Variants in TYR observed in about 807,000 individuals in gnomAD.
The protein encoded by TYR is tyrosinase.
In TYR, 58 loss-of-function variants were observed where a neutral mutation model predicts 51.5. The ratio of observed to expected loss-of-function variants is 1.13; its 90% confidence interval spans 0.91 to 1.40. The LOEUF (loss-of-function observed/expected upper bound fraction) is 1.40. Among genes scored for constraint, TYR ranks in the 40% most tolerant of loss-of-function variants. The probability of loss-of-function intolerance (pLI) is 0.00; values close to 1 mark genes in which losing one functional copy is unlikely to be tolerated. For synonymous variants in TYR, 263 were observed against 235.2 expected, an observed-to-expected ratio of 1.12 and a Z score of -1.08; for missense variants, 732 against 647.4, an observed-to-expected ratio of 1.13 and a Z score of -1.42.
intron 3 of TYR, among the ~76,000 whole-genome samples, chr11:89,280,640 G>C (rs1214216351): frequency 4.0e-5 from 6 of 151,180 alleles, no homozygotes; most frequent in African/African-American, 1.5e-4. Flanking sequence ...ATGTCTCATA[G>C]TTCCAAAATT....
At chr11:89,181,381 T>C (rs546501126) in intron 1 of TYR, among the ~76,000 whole-genome samples, 10 of 152,200 alleles carry the variant, frequency 6.6e-5, no homozygotes, top group Non-Finnish European at 1.0e-4. Context: ...CTGAGAATCA[T>C]TGAGTTAATG....
chr11:89,203,610 A>G (rs770801770), intron 2 of TYR, among the ~76,000 whole-genome samples: 25 of 152,208 alleles, frequency 1.6e-4, no homozygotes, highest in Non-Finnish European at 3.2e-4. Flanking sequence ...GAATGTAAAT[A>G]GTGAAGAGAA....
chr11:89,236,065 T>G (rs1393549795), intron 3 of TYR, among the ~76,000 whole-genome samples: 1 of 152,156 alleles, frequency 6.6e-6, no homozygotes, highest in Non-Finnish European at 1.5e-5. Context: ...GCCATGATAT[T>G]CATTTACATA....
chr11:89,254,403 C>T (rs1218522626), intron 3 of TYR, among the ~76,000 whole-genome samples: 1 of 151,624 alleles, frequency 6.6e-6, no homozygotes, highest in Non-Finnish European at 1.5e-5. Context: ...GGATTCATAA[C>T]AATTCTTTGA....
In TYR at chr11:89,245,097, A is replaced by G. The variant is rs564703452; in HGVS notation, c.1184+17127A>G. ...ATACTATTGTTTGGAATACAATTTT[A>G]TGACTGGTGGTTCTGTGAAGAATGA... On this transcript the variant is annotated intron_variant, in intron 3 of 4. Coordinates refer to ENST00000263321, the MANE Select transcript of TYR (RefSeq NM_000372.5). Among the ~76,000 whole-genome samples the G allele has an allele frequency of 5.9e-4, 90 of 152,340 alleles. 3 individuals are homozygous for G. The highest frequency in any genetic ancestry group is 2.1e-3 in the African/African-American group (89 of 41,576).
In TYR at chr11:89,280,859, GT is replaced by G. The variant is rs1486181736; in HGVS notation, c.1185-3912del. ...CAATGTTTAAATGTTTGTCCTAGTT[GT>G]TACAGTTTTGAGATGAGAGGCCTCA... On this transcript the variant is annotated intron_variant, in intron 3 of 4. Coordinates refer to ENST00000263321, the MANE Select transcript of TYR (RefSeq NM_000372.5). Among the ~76,000 whole-genome samples, 7 of 151,690 alleles carry G rather than the reference GT, an allele frequency of 4.6e-5. No homozygotes were observed. In the East Asian group the frequency reaches 1.4e-3, roughly 30 times the overall value.
intron 3 of TYR, among the ~76,000 whole-genome samples, chr11:89,282,726 ATCT>A (rs900496271): frequency 3.3e-5 from 5 of 151,826 alleles, no homozygotes; most frequent in African/African-American, 7.2e-5. Flanking sequence ...AGAAAAACTC[ATCT>A]TCTTAAATCT....
Position 89,191,396 on chromosome 11 carries a change from C to T in TYR, c.1014C>T (p.Phe338=), listed in dbSNP as rs759201671. Residue 338 remains phenylalanine, a synonymous_variant, in exon 2 of 5, where the codon TTC becomes TTT. Transcript: ENST00000263321. ...GTTCCATGGATAAAGCTGCCAATTT[C>T]AGCTTTAGAAATACACTGGAAGGTA... ...ESGSMDKAAN[F]SFRNTLEGFA... 2 of 1,613,632 alleles carry T rather than the reference C, an allele frequency of 1.2e-6. No homozygotes were observed. The highest frequency in any genetic ancestry group is 8.5e-7 in the Non-Finnish European group (1 of 1,179,666).
At chr11:89,212,615 C>T (rs1393242743) in intron 2 of TYR, among the ~76,000 whole-genome samples, 1 of 152,138 alleles carries the variant, frequency 6.6e-6, no homozygotes, top group Admixed American at 6.5e-5. Flanking sequence ...CATACCAAAG[C>T]CTGGCAGAGA....
intron 2 of TYR, among the ~76,000 whole-genome samples, chr11:89,192,395 A>C (rs1943458321): frequency 6.6e-6 from 1 of 152,116 alleles, no homozygotes; most frequent in Non-Finnish European, 1.5e-5. Flanking sequence ...AAGGCAGACA[A>C]CTCAAAATTT....
chr11:89,239,444 C>T (rs1293101237), intron 3 of TYR, among the ~76,000 whole-genome samples: 4 of 151,746 alleles, frequency 2.6e-5, no homozygotes, highest in African/African-American at 7.3e-5. Flanking sequence ...TATTTATTTG[C>T]ATCTTCTTTT....
intron 3 of TYR, among the ~76,000 whole-genome samples, chr11:89,269,221 G>A (rs1944561203): frequency 1.3e-5 from 2 of 152,052 alleles, no homozygotes; most frequent in Admixed American, 6.6e-5. Context: ...AGAGGGGTGA[G>A]GCTTTGAAGG....
chr11:89,269,072 G>A (rs2058293201), intron 3 of TYR, among the ~76,000 whole-genome samples: 1 of 151,938 alleles, frequency 6.6e-6, no homozygotes, highest in Admixed American at 6.6e-5. Context: ...AGAGATCAAT[G>A]AGGATAGGGA....
At chr11:89,208,981 C>A (rs1340181865) in intron 2 of TYR, among the ~76,000 whole-genome samples, 1 of 152,160 alleles carries the variant, frequency 6.6e-6, no homozygotes, top group Non-Finnish European at 1.5e-5. Context: ...TCCAAGATGA[C>A]TGAACAGGAA....
At chr11:89,284,729 A>G (rs1382876668) in intron 3 of TYR, 44 bp from the exon 4 acceptor site, 17 of 1,587,674 alleles carry the variant, frequency 1.1e-5, no homozygotes, top group Admixed American at 3.4e-5. Flanking sequence ...TGTTTCTTTT[A>G]TACACAATAT....
chr11:89,219,836 A>T (rs1389507105), intron 2 of TYR, among the ~76,000 whole-genome samples: 1 of 152,144 alleles, frequency 6.6e-6, no homozygotes, highest in African/African-American at 2.4e-5. Context: ...AAGAACCAGC[A>T]TGATAGGGCC....
chr11:89,245,230 A>G (rs1944249021), intron 3 of TYR, among the ~76,000 whole-genome samples: 1 of 152,242 alleles, frequency 6.6e-6, no homozygotes, highest in Admixed American at 6.5e-5. Flanking sequence ...AAAAGTCAAT[A>G]GTTACAACAT....
intron 3 of TYR, among the ~76,000 whole-genome samples, chr11:89,250,138 G>A (rs1014889673): frequency 6.6e-6 from 1 of 152,000 alleles, no homozygotes; most frequent in African/African-American, 2.4e-5. Flanking sequence ...CATTATTTAT[G>A]TCATTAAATA....
At chr11:89,263,072 T>A (rs1944481944) in intron 3 of TYR, among the ~76,000 whole-genome samples, 1 of 151,588 alleles carries the variant, frequency 6.6e-6, no homozygotes, top group South Asian at 2.1e-4. Context: ...TACAGAACAA[T>A]AACACTTGCA....
Sources: gnomAD v4.1 joint callset for allele counts (sites outside exome capture counted in the v4.1 genomes callset) on GRCh38, gnomAD v4.1.1 for gene constraint, MANE v1.5 for transcripts, NCBI Gene and HGNC (gene_info 2026-07-23, HGNC 2026-07-21) for gene names.